The following GMDS variants were observed in gnomAD, a reference collection of about 807,000 sequenced individuals.
GMDS encodes GDP-mannose 4,6-dehydratase, also known as GDP-mannose 4,6 dehydratase.
Under a neutral mutation model 49.9 loss-of-function variants are expected in GMDS, and 20 were observed. That is an observed-to-expected ratio of 0.40 (90% CI 0.28 to 0.58). The LOEUF (loss-of-function observed/expected upper bound fraction) is 0.58. Among genes scored for constraint, GMDS ranks in the 20% least tolerant of loss-of-function variants. The pLI is 0.42. For missense variants in GMDS, 362 were observed against 481.4 expected (o/e 0.75, Z 2.32); for synonymous variants, 177 against 178.6 (o/e 0.99, Z 0.07).
chr6:2,067,563 T>A (rs1394315047), intron 4 of GMDS, among the ~76,000 whole-genome samples: 2 of 151,400 alleles, frequency 1.3e-5, no homozygotes, highest in East Asian at 3.9e-4. Context: ...ATAGACACAA[T>A]AAAAAATGAT....
At chr6:1,949,026 A>G in intron 6 of GMDS, 1 of 955,510 alleles carries the variant, frequency 1.0e-6, no homozygotes, top group Non-Finnish European at 1.2e-6. Flanking sequence ...CAGCAATCCC[A>G]CTAACAGAGC....
intron 7 of GMDS, among the ~76,000 whole-genome samples, chr6:1,853,657 G>T (rs1336194051): frequency 6.6e-6 from 1 of 151,956 alleles, no homozygotes; most frequent in Non-Finnish European, 1.5e-5. Flanking sequence ...TGGGCTGTTA[G>T]TAGCCACAGA....
chr6:2,105,497 C>G (rs995173467), intron 4 of GMDS, among the ~76,000 whole-genome samples: 1 of 152,108 alleles, frequency 6.6e-6, no homozygotes, highest in African/African-American at 2.4e-5. Flanking sequence ...GAAAGGCACT[C>G]TAGTGTGAGC....
intron 1 of GMDS, among the ~76,000 whole-genome samples, chr6:2,226,389 T>A (rs914606676): frequency 4.6e-5 from 7 of 152,236 alleles, no homozygotes; most frequent in Non-Finnish European, 1.0e-4. Context: ...ATTCTGCCTA[T>A]GATAACTGTC....
Position 1,632,362 on chromosome 6 carries a change from C to T in GMDS, c.988-7822G>A, listed in dbSNP as rs564004736. 5.2e-4 allele frequency among the ~76,000 whole-genome samples: 79 copies of T among 152,200 alleles called. 3 individuals carry two copies. The South Asian group carries it at 5.8e-3, about 11-fold the overall frequency. On this transcript the variant is annotated intron_variant, in intron 9 of 10. Transcript: ENST00000380815. ...CATATTGTACATATTGTATGATTTG[C>T]TGTATGTGAGGTCCCAGAAGAGGCA...
At chr6:1,903,845 G>A (rs1343760123) in intron 7 of GMDS, among the ~76,000 whole-genome samples, 1 of 152,110 alleles carries the variant, frequency 6.6e-6, no homozygotes, top group Non-Finnish European at 1.5e-5. Flanking sequence ...TTCTTGGGTG[G>A]GCAGGAACCT....
At chr6:1,757,910 A>T (rs933931883) in intron 7 of GMDS, among the ~76,000 whole-genome samples, 1 of 152,264 alleles carries the variant, frequency 6.6e-6, no homozygotes, top group African/African-American at 2.4e-5. Flanking sequence ...TATATCCAGT[A>T]TGTTACCATT....
intron 9 of GMDS, among the ~76,000 whole-genome samples, chr6:1,684,046 A>G (rs2113316168): frequency 1.5e-5 from 1 of 67,150 alleles, no homozygotes; most frequent in Admixed American, 1.4e-4. Context: ...TCTATCAGCT[A>G]TGAGGGTGGG....
intron 5 of GMDS, among the ~76,000 whole-genome samples, chr6:1,960,377 T>TTC (rs1472105521): frequency 6.6e-6 from 1 of 151,988 alleles, no homozygotes; most frequent in East Asian, 1.9e-4. Flanking sequence ...AATAGTCTTT[T>TTC]TTTTTGAAGG....
chr6:1,920,473 T>TA (rs896980141), intron 7 of GMDS, among the ~76,000 whole-genome samples: 100 of 152,318 alleles, frequency 6.6e-4, no homozygotes, highest in African/African-American at 2.4e-3. Context: ...GCAAGAGAGA[T>TA]AGAGTGATTA....
intron 1 of GMDS, among the ~76,000 whole-genome samples, chr6:2,238,325 G>A (rs1035744904): frequency 1.3e-5 from 2 of 152,018 alleles, no homozygotes; most frequent in Non-Finnish European, 2.9e-5. Flanking sequence ...CAAAGCTGCA[G>A]CGAGCTATGA....
At chr6:1,915,980 G>A (rs1761366513) in intron 7 of GMDS, among the ~76,000 whole-genome samples, 1 of 152,170 alleles carries the variant, frequency 6.6e-6, no homozygotes, top group South Asian at 2.1e-4. Flanking sequence ...ATTGGGAGGT[G>A]GCAACACCTT....
At chr6:1,692,897 T>G (rs558032405) in intron 9 of GMDS, among the ~76,000 whole-genome samples, 1 of 152,360 alleles carries the variant, frequency 6.6e-6, no homozygotes, top group South Asian at 2.1e-4. Flanking sequence ...AGGGGATATA[T>G]TTTCCTGCTT....
intron 4 of GMDS, among the ~76,000 whole-genome samples, chr6:2,062,865 A>G (rs1255736362): frequency 6.6e-6 from 1 of 152,232 alleles, no homozygotes; most frequent in Non-Finnish European, 1.5e-5. Context: ...AATGTTTCTG[A>G]GCCTCAGTTC....
At chr6:1,897,002 G>A (rs533088840) in intron 7 of GMDS, among the ~76,000 whole-genome samples, 1 of 152,318 alleles carries the variant, frequency 6.6e-6, no homozygotes, top group East Asian at 1.9e-4. Context: ...AGACAACAAT[G>A]TACATGGAGC....
chr6:2,071,946 G>T (rs1272720704), intron 4 of GMDS, among the ~76,000 whole-genome samples: 1 of 152,128 alleles, frequency 6.6e-6, no homozygotes, highest in Admixed American at 6.6e-5. Context: ...TTAAAGCAAC[G>T]AAGGGGGGAA....
intron 9 of GMDS, among the ~76,000 whole-genome samples, chr6:1,687,170 T>G (rs1561728763): frequency 6.6e-6 from 1 of 152,044 alleles, no homozygotes; most frequent in South Asian, 2.1e-4. Context: ...CCCTTCAAGG[T>G]TCACGAACCT....
chr6:1,895,758 G>A (rs760757754), intron 7 of GMDS, among the ~76,000 whole-genome samples: 13 of 152,138 alleles, frequency 8.5e-5, no homozygotes, highest in Non-Finnish European at 1.6e-4. Context: ...AATAGGTTTT[G>A]TACATAGTTC....
chr6:2,003,704 G>A (rs1766977971), intron 4 of GMDS, among the ~76,000 whole-genome samples: 1 of 152,150 alleles, frequency 6.6e-6, no homozygotes. Flanking sequence ...GCAAATTCTT[G>A]TGTTTTGAAA....
Sources: gnomAD v4.1 joint callset for allele counts (sites outside exome capture counted in the v4.1 genomes callset) on GRCh38, gnomAD v4.1.1 for gene constraint, MANE v1.5 for transcripts, NCBI Gene and HGNC (gene_info 2026-07-23, HGNC 2026-07-21) for gene names.